TLN1: variants seen among roughly 807,000 people sequenced by gnomAD.
TLN1 encodes talin-1.
A neutral mutation model predicts 292.3 loss-of-function variants in TLN1; 56 were observed. The observed-to-expected ratio is 0.19, with a 90% CI of 0.15 to 0.24. TLN1 has a LOEUF of 0.24. Among genes scored for constraint, TLN1 ranks in the 10% least tolerant of loss-of-function variants. The pLI, the probability that TLN1 is intolerant of heterozygous loss-of-function variation, is 1.00. For missense variants in TLN1, 2,433 were observed against 3,248.2 expected (o/e 0.75, Z 6.10); for synonymous variants, 1,119 against 1,253.7 (o/e 0.89, Z 2.27).
intron 1 of TLN1, among the ~76,000 whole-genome samples, 171 bp downstream of exon 1, chr9:35,731,903 CT>C (rs1826087545): frequency 6.6e-6 from 1 of 152,148 alleles, no homozygotes; most frequent in Non-Finnish European, 1.5e-5. Context: ...AAAGGCCTGT[CT>C]TCCCCAAGAC....
In TLN1 at chr9:35,704,334, G is replaced by C. The variant is rs1825523474; in HGVS notation, c.6045C>G (p.His2015Gln). 1.2e-6 allele frequency: 2 copies of C among 1,612,906 alleles called. No homozygotes were observed. Among genetic ancestry groups the C allele is most frequent in the Non-Finnish European group, 1.7e-6 (2 of 1,179,326 alleles). The change falls in exon 45 of 57, where the codon CAC becomes CAG. Residue 2015 changes from histidine (H) to glutamine (Q), a missense_variant and splice_region_variant. Around this residue, in one of 7 missense-constraint regions of TLN1, gnomAD observed 1,384 missense variants for 1,699.6 expected, o/e 0.81. Coordinates refer to ENST00000314888, the MANE Select transcript of TLN1 (RefSeq NM_006289.4). The surrounding 1 kb of genome is among the most constrained non-coding windows in gnomAD (Gnocchi z 6.9). ...CTTAGGCCCAGTTCCTGTCTTACCG[G>C]TGGTCAGCGAAAGTTTCAGTACCCT... ...NREGTETFAD[H>Q]REGILKTAKV...
intron 10 of TLN1, 70 bp from the exon 11 acceptor site, chr9:35,720,983 A>G: frequency 7.8e-7 from 1 of 1,277,122 alleles, no homozygotes; most frequent in Non-Finnish European, 1.1e-6. Flanking sequence ...CTAGGATGGG[A>G]GGCCCAAGGT....
rs372152624 is a variant in TLN1 at position 35,714,713 on chromosome 9, C to T, written c.2872-26G>A. 5.5e-5 allele frequency: 88 copies of T among 1,612,782 alleles called. No homozygotes were observed. In the African/African-American group the frequency reaches 1.1e-3, roughly 19 times the overall value. On this transcript the variant is annotated intron_variant, in intron 22 of 56. Transcript: ENST00000314888. The surrounding 1 kb of genome is among the most constrained non-coding windows in gnomAD (Gnocchi z 4.6). ...CTGTAGGTGAAAATGTCATAAGAGA[C>T]CCACAAGTCTCCCTCTTCCACTCCC...
chr9:35,701,060 C>G (rs530328341), intron 48 of TLN1, among the ~76,000 whole-genome samples: 12 of 152,266 alleles, frequency 7.9e-5, no homozygotes, highest in African/African-American at 2.6e-4. Flanking sequence ...CAGGGAAGGG[C>G]TCTCTGAGGA....
intron 48 of TLN1, among the ~76,000 whole-genome samples, chr9:35,702,158 A>G (rs1825477264): frequency 6.6e-6 from 1 of 152,284 alleles, no homozygotes; most frequent in East Asian, 1.9e-4. Flanking sequence ...GGTGGCTAAG[A>G]TGGTGAAGTC....
chr9:35,707,977 G>A lies in TLN1; in HGVS notation c.4471-85C>T, dbSNP rs547142276. 1.1e-5 allele frequency: 17 copies of A among 1,480,514 alleles called. No homozygotes were observed. The highest frequency in any genetic ancestry group is 2.4e-4 in the Middle Eastern group (1 of 4,244). The allele number at this position is 1,480,514 out of a possible 1,614,324, so 91.7% of individuals were successfully genotyped here. On this transcript the variant is annotated intron_variant, in intron 34 of 56. Transcript: ENST00000314888. This position sits in a 1 kb window ranked among gnomAD's most constrained non-coding sequence, Gnocchi z 5.6. ...AGGAGCCATTTTAGGGTCAGGGGAT[G>A]GAGAGCAATACCCTGAGGAGTCAAA...
rs1009765407 is a variant in TLN1 at position 35,717,853 on chromosome 9, C to T, written c.1996-67G>A. On this transcript the variant is annotated intron_variant, in intron 17 of 56. Coordinates refer to ENST00000314888, the MANE Select transcript of TLN1 (RefSeq NM_006289.4). This position sits in a 1 kb window ranked among gnomAD's most constrained non-coding sequence, Gnocchi z 4.7. The stretch of plus-strand genomic sequence containing the variant: ...GGGATTCACAGACACTTCTCAGAGG[C>T]GTAAGCTGCTTCATTATTCCCACTG... 3.9e-5 allele frequency: 59 copies of T among 1,522,334 alleles called. 1 individual carries two copies. Among genetic ancestry groups the T allele is most frequent in the Middle Eastern group, 4.9e-4 (2 of 4,096 alleles). The allele number at this position is 1,522,334 out of a possible 1,614,324, so 94.3% of individuals were successfully genotyped here.
In TLN1 at chr9:35,699,880, C is replaced by A. The variant is rs1483203767; in HGVS notation, c.6768+94G>T. ...GTAGAGGGTGGGGTAGGGAGGAGAT[C>A]TGAGCAAAACAGACAGCAGGGTGCG... On this transcript the variant is annotated intron_variant, in intron 50 of 56. Transcript: ENST00000314888. This position sits in a 1 kb window ranked among gnomAD's most constrained non-coding sequence, Gnocchi z 4.0. The A allele has an allele frequency of 1.0e-5, 14 of 1,343,546 alleles. No homozygotes were observed. Among genetic ancestry groups the A allele is most frequent in the Admixed American group, 2.2e-5 (1 of 44,582 alleles). 83.2% of individuals were successfully genotyped at this position (1,343,546 alleles called of 1,614,324 possible).
At position 35,699,191 on chromosome 9, in the gene TLN1, C is replaced by T. The variant is rs1378756883; in HGVS notation, c.6875-35G>A. 1 of 1,589,260 alleles carries T rather than the reference C, an allele frequency of 6.3e-7. No homozygotes were observed. The highest frequency in any genetic ancestry group is 1.1e-5 in the South Asian group (1 of 89,240). ...TGAAGGAAGAGGAAAGAGGCTAAGG[C>T]AGAGTGGGGAGGTCAAAAGCACCAG... On this transcript the variant is annotated intron_variant, in intron 51 of 56. Transcript: ENST00000314888. This position sits in a 1 kb window ranked among gnomAD's most constrained non-coding sequence, Gnocchi z 4.0.
Position 35,725,073 on chromosome 9 carries a change from G to C in TLN1, c.229-114C>G, listed in dbSNP as rs762324021. Reference sequence around the variant, plus strand: ...ACTGAAAGGAAGACTATGGTGGTTCGTTCAAAAGCAGGGAATTATGACTGT... The same window carrying C: ...ACTGAAAGGAAGACTATGGTGGTTCCTTCAAAAGCAGGGAATTATGACTGT... On this transcript the variant is annotated intron_variant, in intron 3 of 56. Transcript: ENST00000314888. 6 of 1,564,552 alleles carry C rather than the reference G, an allele frequency of 3.8e-6. No homozygotes were observed. In the African/African-American group the frequency reaches 8.2e-5, roughly 21 times the overall value.
intron 10 of TLN1, among the ~76,000 whole-genome samples, chr9:35,721,334 T>A (rs1825875571): frequency 6.6e-6 from 1 of 152,204 alleles, no homozygotes; most frequent in South Asian, 2.1e-4. Context: ...TAATATAAAG[T>A]CAAAAATTCA....
chr9:35,730,386 C>T (rs1426524849), intron 1 of TLN1, among the ~76,000 whole-genome samples: 1 of 151,198 alleles, frequency 6.6e-6, no homozygotes, highest in Non-Finnish European at 1.5e-5. Context: ...ATCAGCAAGA[C>T]CCAGTTTCCT....
chr9:35,729,799 G>A (rs115027024), intron 1 of TLN1, among the ~76,000 whole-genome samples: 105 of 152,270 alleles, frequency 6.9e-4, no homozygotes, highest in African/African-American at 2.5e-3. Context: ...TTGGGAAGAG[G>A]GGAAAGGATC....
intron 1 of TLN1, among the ~76,000 whole-genome samples, chr9:35,726,994 T>C (rs1825989334): frequency 6.6e-6 from 1 of 152,228 alleles, no homozygotes; most frequent in African/African-American, 2.4e-5. Flanking sequence ...TTCCCCTGAC[T>C]GTATTTTCAG....
chr9:35,720,143 G>A lies in TLN1; in HGVS notation c.1360C>T (p.Arg454Cys), dbSNP rs1414751173. The A allele has an allele frequency of 5.6e-6, 9 of 1,612,402 alleles. No homozygotes were observed. The highest frequency in any genetic ancestry group is 3.3e-5 in the South Asian group (3 of 90,854). The change falls in exon 13 of 57, where the codon CGC (arginine) becomes TGC (cysteine). Residue 454 changes from arginine to cysteine, a missense_variant. Arg to Cys is a radical substitution (Grantham distance 180). Around this residue, in one of 7 missense-constraint regions of TLN1, gnomAD observed 617 missense variants for 770.6 expected, o/e 0.80. Coordinates refer to ENST00000314888, the MANE Select transcript of TLN1 (RefSeq NM_006289.4). ...TTCTCAGGACCAGAGGCTCCAGAGC[G>A]CATGATGGCAGGCAGGGCCACAGAG... The part of the protein sequence containing the change: ...HGSVALPAIM[R>C]SGASGPENFQ...
In TLN1 at chr9:35,707,259, GA is replaced by G; in HGVS notation, c.4774-7del. ...GGCTCCATGGCAGCCCGACCCTGGG[GA>G]GAGGGGAGGCAGGAAGGTAAGTCTC... On this transcript the variant is annotated splice_region_variant and splice_polypyrimidine_tract_variant and intron_variant, in intron 36 of 56. Transcript: ENST00000314888. The surrounding 1 kb of genome is among the most constrained non-coding windows in gnomAD (Gnocchi z 5.6). The G allele has an allele frequency of 3.7e-6, 6 of 1,603,652 alleles. No homozygotes were observed. Among genetic ancestry groups the G allele is most frequent in the Non-Finnish European group, 5.1e-6 (6 of 1,172,664 alleles).
Position 35,712,970 on chromosome 9 carries a change from C to G in TLN1, c.3426G>C (p.Thr1142=). 6.2e-7 allele frequency: 1 copy of G among 1,610,510 alleles called. No homozygotes were observed. Among genetic ancestry groups the G allele is most frequent in the Non-Finnish European group, 8.5e-7 (1 of 1,178,950 alleles). The change falls in exon 27 of 57, where the codon ACG becomes ACC. Residue 1142 remains threonine, a synonymous_variant. Transcript: ENST00000314888. The part of the protein sequence containing the change: ...AQAARGVAAL[T]SDPAVQAIVL... ...CAATGGCCTGCACTGCAGGATCTGA[C>G]GTCAGTGCAGCGACTCCCCTAGCGG... is the stretch of plus-strand genomic sequence containing the variant.
At chr9:35,726,199 C>T (rs1045113046) in intron 1 of TLN1, among the ~76,000 whole-genome samples, 3 of 152,202 alleles carry the variant, frequency 2.0e-5, no homozygotes, top group Non-Finnish European at 4.4e-5. Context: ...TGAGCCACCA[C>T]GCCCGGCCAA....
chr9:35,723,735 T>TG, intron 7 of TLN1: 1 of 593,024 alleles, frequency 1.7e-6, no homozygotes. Context: ...GCTTCAGAGA[T>TG]GGGGGTAGGG....
Sources: gnomAD v4.1 joint callset for allele counts (sites outside exome capture counted in the v4.1 genomes callset) on GRCh38, gnomAD v4.1.1 for gene constraint, gnomAD v4.1.1 regional missense constraint, Gnocchi (gnomAD v3.1) non-coding constraint, MANE v1.5 for transcripts, NCBI Gene and HGNC (gene_info 2026-07-23, HGNC 2026-07-21) for gene names.